Variants in PLB1 observed in about 807,000 individuals in gnomAD.
PLB1 encodes the protein phospholipase B1, also known as phospholipase B1, membrane-associated.
PLB1 carries 242 observed loss-of-function variants against 227.4 expected under a neutral mutation model. The ratio of observed to expected loss-of-function variants is 1.06; its 90% CI spans 0.96 to 1.18. PLB1 has a LOEUF of 1.18. PLB1 is among the 50% of genes most tolerant of loss of function. PLB1 has a pLI of 0.00. For missense variants in PLB1, 1,858 were observed against 1,816.3 expected (o/e 1.02, Z -0.42); for synonymous variants, 757 against 682.2 (o/e 1.11, Z -1.71).
chr2:28,550,784 C>T (rs1674120891), intron 16 of PLB1, among the ~76,000 whole-genome samples: 3 of 152,062 alleles, frequency 2.0e-5, no homozygotes. Flanking sequence ...TCATGGTCCA[C>T]CCAACTCAGC....
chr2:28,571,819 G>A (rs1462858331), intron 20 of PLB1, among the ~76,000 whole-genome samples: 1 of 151,936 alleles, frequency 6.6e-6, no homozygotes, highest in Non-Finnish European at 1.5e-5. Flanking sequence ...CTAAATGTAA[G>A]AGCTAAAACT....
chr2:28,585,948 A>G lies in PLB1; in HGVS notation c.1815+106A>G, dbSNP rs1680836895. The G allele has an allele frequency of 5.0e-6, 5 of 1,007,968 alleles. No individual in the cohort carries two copies. The East Asian group carries it at 9.8e-5, about 20-fold the overall frequency. The allele number at this position is 1,007,968 out of a possible 1,614,324, so 62.4% of individuals were successfully genotyped here. A position where few individuals can be genotyped will look rare whatever the true frequency, so the allele number is the denominator to read the frequency against. ...AGGTAATTTTGACCCTGTGTGGGGGATGACCACTGACTAGTTTGCTGATTT... is the reference window on the plus strand; with the variant it reads ...AGGTAATTTTGACCCTGTGTGGGGGGTGACCACTGACTAGTTTGCTGATTT... On this transcript the variant is annotated intron_variant, in intron 26 of 57. Transcript: ENST00000327757.
intron 34 of PLB1, 86 bp from the exon 35 acceptor site, chr2:28,598,566 T>C (rs1433816875): frequency 3.8e-6 from 4 of 1,053,418 alleles, no homozygotes; most frequent in Admixed American, 1.7e-5. Flanking sequence ...ACAGCCCACT[T>C]TGGGGACCTA....
intron 12 of PLB1, 29 bp from the exon 13 acceptor site, chr2:28,541,678 G>T (rs1309172233): frequency 3.4e-5 from 53 of 1,578,268 alleles, no homozygotes; most frequent in Non-Finnish European, 4.2e-5. Context: ...CATGTTCCTG[G>T]ATGGGCACCT....
chr2:28,596,926 A>C (rs993595077), intron 33 of PLB1, among the ~76,000 whole-genome samples: 2 of 152,204 alleles, frequency 1.3e-5, no homozygotes, highest in African/African-American at 2.4e-5. Flanking sequence ...TGTCCCTTAG[A>C]AGTCTTTGCT....
rs560634569 is a variant in PLB1 at position 28,559,890 on chromosome 2, T to A, written c.1148-3151T>A. 5.9e-5 allele frequency among the ~76,000 whole-genome samples: 9 copies of A among 152,076 alleles called. No homozygotes were observed. In the South Asian group the frequency reaches 1.9e-3, roughly 32 times the overall value. On this transcript the variant is annotated intron_variant, in intron 17 of 57. Coordinates refer to ENST00000327757, the MANE Select transcript of PLB1 (RefSeq NM_153021.5). The stretch of plus-strand genomic sequence containing the variant: ...CCTCAGCCTCCCAAATAGCTGGGAC[T>A]ATAAGAGCACACCTCCATGCCTGGC...
chr2:28,587,365 C>T (rs540583009), intron 26 of PLB1, among the ~76,000 whole-genome samples: 18 of 152,308 alleles, frequency 1.2e-4, no homozygotes, highest in Admixed American at 4.6e-4. Flanking sequence ...CCTATAATCC[C>T]AGCACTTTGG....
At chr2:28,510,259 A>T (rs1668079094) in intron 1 of PLB1, among the ~76,000 whole-genome samples, 1 of 152,180 alleles carries the variant, frequency 6.6e-6, no homozygotes, top group Admixed American at 6.5e-5. Flanking sequence ...CTTATAGGTG[A>T]GGAAAGTAAG....
intron 14 of PLB1, among the ~76,000 whole-genome samples, chr2:28,545,302 G>C (rs1673076996): frequency 6.6e-6 from 1 of 152,158 alleles, no homozygotes; most frequent in South Asian, 2.1e-4. Context: ...AGGGACATGG[G>C]GGGCAGGGAG....
intron 56 of PLB1, among the ~76,000 whole-genome samples, chr2:28,637,600 C>G (rs1253523539): frequency 1.3e-5 from 2 of 152,196 alleles, no homozygotes; most frequent in Non-Finnish European, 2.9e-5. Context: ...CACACTAGGC[C>G]TCTGGGACTT....
At chr2:28,567,622 C>T (rs1024152180) in intron 20 of PLB1, among the ~76,000 whole-genome samples, 66 of 151,968 alleles carry the variant, frequency 4.3e-4, no homozygotes, top group African/African-American at 1.0e-3. Context: ...TACAGGCCCC[C>T]GCCACCACAC....
chr2:28,633,126 A>AAAGGAGC, intron 56 of PLB1, 87 bp downstream of exon 56: 1 of 1,151,072 alleles, frequency 8.7e-7, no homozygotes, highest in Non-Finnish European at 1.3e-6. Flanking sequence ...ACTACTGGAG[A>AAAGGAGC]CATGGCTCCT....
intron 15 of PLB1, 110 bp downstream of exon 15, chr2:28,549,041 T>C: frequency 1.1e-6 from 1 of 887,600 alleles, no homozygotes; most frequent in East Asian, 2.6e-5. Context: ...GAATCCTGTT[T>C]CTGTTCTTCT....
rs1256700057 is a variant in PLB1, at chr2:28,548,542, G to C, written c.937-318G>C. On this transcript the variant is annotated intron_variant, in intron 14 of 57. Coordinates refer to ENST00000327757, the MANE Select transcript of PLB1 (RefSeq NM_153021.5). ...GCTGGGCCCCACCTCAACCTCTGCT[G>C]TGCAGCTTTTCCTTCTAGGAGAGGT... The C allele has an allele frequency of 1.4e-5, 7 of 491,264 alleles. No individual in the cohort carries two copies. In the Admixed American group the frequency reaches 1.6e-4, roughly 11 times the overall value. 30.4% of individuals were successfully genotyped at this position (491,264 alleles called of 1,614,324 possible).
At chr2:28,549,009 A>G in intron 15 of PLB1, 78 bp downstream of exon 15, 1 of 1,303,644 alleles carries the variant, frequency 7.7e-7, no homozygotes, top group Non-Finnish European at 1.1e-6. Flanking sequence ...CTTTGCTGTG[A>G]AGTGGGTCTT....
At chr2:28,544,209 T>C (rs1280518046) in intron 14 of PLB1, among the ~76,000 whole-genome samples, 1 of 152,248 alleles carries the variant, frequency 6.6e-6, no homozygotes, top group Non-Finnish European at 1.5e-5. Flanking sequence ...GTCTGTCCTT[T>C]GAAGAAGGCA....
intron 26 of PLB1, among the ~76,000 whole-genome samples, chr2:28,588,600 G>A (rs575990348): frequency 2.0e-4 from 31 of 152,288 alleles, no homozygotes; most frequent in African/African-American, 7.5e-4. Flanking sequence ...GTGAGCAGTG[G>A]AATGGCTGAG....
chr2:28,499,435 A>G (rs946809046), intron 1 of PLB1, among the ~76,000 whole-genome samples: 6 of 152,144 alleles, frequency 3.9e-5, no homozygotes, highest in African/African-American at 1.4e-4. Context: ...AATCCTGCCA[A>G]TAATGACGGT....
intron 25 of PLB1, 47 bp downstream of exon 25, chr2:28,582,552 A>AGCAGTG: frequency 7.1e-7 from 1 of 1,407,396 alleles, no homozygotes; most frequent in Non-Finnish European, 9.9e-7. Context: ...CCTCACTGCT[A>AGCAGTG]AGGGCAGTGG....
Sources: allele counts gnomAD v4.1 joint callset (sites outside exome capture counted in the v4.1 genomes callset), GRCh38; gene constraint gnomAD v4.1.1; transcripts MANE v1.5; gene names NCBI Gene and HGNC (gene_info 2026-07-23, HGNC 2026-07-21).